The following CYP3A5 variants were observed in gnomAD, a reference collection of about 807,000 sequenced individuals.
CYP3A5 encodes the protein cytochrome P450 3A5.
CYP3A5 carries 51 observed loss-of-function variants against 55.9 expected under a neutral mutation model. The observed-to-expected ratio is 0.91, with a 90% CI of 0.73 to 1.15. The LOEUF (loss-of-function observed/expected upper bound fraction) is 1.15, where lower values mean the gene tolerates loss of function less well. Among genes scored for constraint, CYP3A5 ranks in the 50% most tolerant of loss-of-function variants. CYP3A5 has a pLI of 0.00. For synonymous variants in CYP3A5, 196 were observed against 213.9 expected (o/e 0.92, Z 0.73); for missense variants, 533 against 596.6 (o/e 0.89, Z 1.11).
chr7:99,663,127 G>T, intron 8 of CYP3A5: 2 of 1,220,776 alleles, frequency 1.6e-6, no homozygotes, highest in South Asian at 2.0e-5. Context: ...TGCCCTCCCT[G>T]TTTCTCATCT....
At chr7:99,676,973 C>T (rs915198033) in intron 1 of CYP3A5, among the ~76,000 whole-genome samples, 1 of 152,144 alleles carries the variant, frequency 6.6e-6, no homozygotes, top group African/African-American at 2.4e-5. Context: ...TGCAGAAGAA[C>T]CAGCAACTAA....
In CYP3A5 at chr7:99,662,465, G is replaced by A. The variant is rs760980402; in HGVS notation, c.865+351C>T. On this transcript the variant is annotated intron_variant, in intron 9 of 12. Coordinates refer to ENST00000222982, the MANE Select transcript of CYP3A5 (RefSeq NM_000777.5). The surrounding 1 kb of genome is among the most constrained non-coding windows in gnomAD (Gnocchi z 4.3). ...TTAAAATCACCCTTACTGGGATAGT[G>A]TGCTTCCTGATCGGTATGTTTGATA... Among the ~76,000 whole-genome samples, 2 of 152,194 alleles carry A rather than the reference G, an allele frequency of 1.3e-5. No homozygotes were observed. Among genetic ancestry groups the A allele is most frequent in the African/African-American group, 2.4e-5 (1 of 41,444 alleles).
At chr7:99,648,431 TAATA>T (rs776728338) in intron 12 of CYP3A5, 31 bp from the exon 13 acceptor site, 1 of 1,522,378 alleles carries the variant, frequency 6.6e-7, no homozygotes, top group Non-Finnish European at 8.9e-7. Flanking sequence ...TATGGAGAAT[TAATA>T]AATGAAGTGA....
At chr7:99,658,441 C>T (rs909232297) in intron 10 of CYP3A5, among the ~76,000 whole-genome samples, 4 of 152,052 alleles carry the variant, frequency 2.6e-5, no homozygotes, top group Non-Finnish European at 5.9e-5. Context: ...GAGTTTCTGC[C>T]GAGAGATCCA....
intron 10 of CYP3A5, among the ~76,000 whole-genome samples, chr7:99,654,344 T>G (rs912453952): frequency 6.6e-6 from 1 of 152,182 alleles, no homozygotes; most frequent in East Asian, 1.9e-4. Context: ...TGGTTTTTTG[T>G]CCTTGCCATA....
chr7:99,662,006 ATTTTC>A lies in CYP3A5; in HGVS notation c.865+805_865+809del, dbSNP rs1383419151. ...ATATGAAACAGTGAAATGATAGACT[ATTTTC>A]TTTATCACAGCAAGTTTTGTTGAGA... On this transcript the variant is annotated intron_variant, in intron 9 of 12. Transcript: ENST00000222982. The surrounding 1 kb of genome is among the most constrained non-coding windows in gnomAD (Gnocchi z 4.3). 6.6e-6 allele frequency among the ~76,000 whole-genome samples: 1 copy of A among 152,224 alleles called. No homozygotes were observed. Among genetic ancestry groups the A allele is most frequent in the Non-Finnish European group, 1.5e-5 (1 of 68,036 alleles).
At chr7:99,677,299 G>A in intron 1 of CYP3A5, 1 of 970,962 alleles carries the variant, frequency 1.0e-6, no homozygotes, top group Non-Finnish European at 1.2e-6. Context: ...CTGTGAAGCT[G>A]CTAGCCCCAC....
rs1195171446 is a variant in CYP3A5, at chr7:99,662,877, T to C, written c.804A>G (p.Arg268=). 2.5e-6 allele frequency: 4 copies of C among 1,613,822 alleles called. No individual in the cohort carries two copies. Among genetic ancestry groups the C allele is most frequent in the Non-Finnish European group, 3.4e-6 (4 of 1,179,798 alleles). ...CAATCATCAGCTGAAGGAAATCTAG[T>C]CGGTGCTAGAAGCAAAAGGAGAGAT... The part of the protein sequence containing the change: ...KSRLNDKQKH[R]LDFLQLMIDS... Residue 268 remains arginine (R), a synonymous_variant, in exon 9 of 13, where the codon CGA becomes CGG. Coordinates refer to ENST00000222982, the MANE Select transcript of CYP3A5 (RefSeq NM_000777.5). This position sits in a 1 kb window ranked among gnomAD's most constrained non-coding sequence, Gnocchi z 4.3.
chr7:99,674,410 C>T (rs1812014611), intron 3 of CYP3A5, 123 bp downstream of exon 3: 1 of 653,918 alleles, frequency 1.5e-6, no homozygotes, highest in Non-Finnish European at 2.6e-6. Flanking sequence ...GAGAACCTCT[C>T]TCTGTTTGTA....
intron 6 of CYP3A5, among the ~76,000 whole-genome samples, chr7:99,666,321 T>A (rs1171615597): frequency 6.6e-6 from 1 of 152,192 alleles, no homozygotes; most frequent in Non-Finnish European, 1.5e-5. Context: ...CATGTTTTTT[T>A]AATTTCTAAA....
chr7:99,649,628 A>G (rs1808972077), intron 12 of CYP3A5, among the ~76,000 whole-genome samples: 1 of 152,186 alleles, frequency 6.6e-6, no homozygotes, highest in South Asian at 2.1e-4. Flanking sequence ...AGAATTTCTG[A>G]GATGTCACAG....
intron 4 of CYP3A5, among the ~76,000 whole-genome samples, chr7:99,667,785 A>C (rs1358117469): frequency 6.6e-6 from 1 of 152,208 alleles, no homozygotes; most frequent in Admixed American, 6.5e-5. Flanking sequence ...AGAGAGAGAC[A>C]GTTCCTTCAT....
At chr7:99,665,027 T>A (rs1810852471) in intron 7 of CYP3A5, 139 bp downstream of exon 7, 5 of 853,116 alleles carry the variant, frequency 5.9e-6, no homozygotes, top group Non-Finnish European at 8.8e-6. Context: ...TTTACAATAG[T>A]AATGGTCATA....
intron 1 of CYP3A5, chr7:99,677,114 C>G (rs1476753491): frequency 1.1e-6 from 1 of 921,636 alleles, no homozygotes; most frequent in Non-Finnish European, 1.3e-6. Context: ...ACCCATTAAG[C>G]CTGGTGTTCA....
In CYP3A5 at chr7:99,666,600, C is replaced by G; in HGVS notation, c.521+1G>C. On this transcript the variant is annotated splice_donor_variant, in intron 6 of 12. Transcript: ENST00000222982. LOFTEE classifies it high-confidence loss of function. ...AACCCCATGGCTGTGCTCCTACTTA[C>G]TCTTTCAAGGTGACAGGCTTGCCTT... 6.2e-7 allele frequency: 1 copy of G among 1,613,596 alleles called. No individual in the cohort carries two copies. The highest frequency in any genetic ancestry group is 8.5e-7 in the Non-Finnish European group (1 of 1,179,600).
In CYP3A5 at chr7:99,665,233, G is replaced by A. The variant is rs1810884624; in HGVS notation, c.603C>T (p.Asp201=). The A allele has an allele frequency of 6.2e-7, 1 of 1,613,726 alleles. No individual in the cohort carries two copies. Among genetic ancestry groups the A allele is most frequent in the African/African-American group, 1.3e-5 (1 of 74,898 alleles). The change falls in exon 7 of 13, where the codon GAC becomes GAT. Residue 201 remains aspartate, a synonymous_variant. Transcript: ENST00000222982. ...VNIDSLNNPQ[D]PFVESTKKFL... is the part of the protein sequence containing the mutation. ...ACTTCTTAGTGCTCTCCACAAAGGG[G>A]TCTTGTGGATTGTTGAGAGAGTCGA...
chr7:99,672,987 G>T, intron 3 of CYP3A5: 1 of 797,664 alleles, frequency 1.3e-6, no homozygotes, highest in Non-Finnish European at 1.6e-6. Context: ...AAGCTGGGTG[G>T]TACATACGTG....
At chr7:99,668,940 CT>C (rs1166057086) in intron 4 of CYP3A5, among the ~76,000 whole-genome samples, 2 of 152,116 alleles carry the variant, frequency 1.3e-5, no homozygotes, top group Non-Finnish European at 2.9e-5. Flanking sequence ...TTCAACCTAC[CT>C]TTGTAGATGA....
At position 99,672,694 on chromosome 7, in the gene CYP3A5, C is replaced by T. The variant is rs773319956; in HGVS notation, c.219-15G>A. The T allele has an allele frequency of 2.4e-5, 39 of 1,613,350 alleles. No individual in the cohort carries two copies. Among genetic ancestry groups the T allele is most frequent in the Admixed American group, 3.3e-5 (2 of 59,868 alleles). ...CTTCATACGTTCTGTGTGGGGACAA[C>T]GGAGCTGATTAAACTTCACTAGCCC... On this transcript the variant is annotated splice_polypyrimidine_tract_variant and intron_variant, in intron 3 of 12. Coordinates refer to ENST00000222982, the MANE Select transcript of CYP3A5 (RefSeq NM_000777.5).
Sources: allele counts gnomAD v4.1 joint callset (sites outside exome capture counted in the v4.1 genomes callset), GRCh38; gene constraint gnomAD v4.1.1; non-coding constraint Gnocchi (gnomAD v3.1); transcripts MANE v1.5; gene names NCBI Gene and HGNC (gene_info 2026-07-23, HGNC 2026-07-21).